Variants in UBE4B observed in about 807,000 individuals in gnomAD.
UBE4B encodes the protein ubiquitination factor E4B, also known as ubiquitin conjugation factor E4 B.
Under a neutral mutation model 148.1 loss-of-function variants are expected in UBE4B, and 27 were observed. The ratio of observed to expected loss-of-function variants is 0.18; its 90% CI spans 0.13 to 0.25. The LOEUF (loss-of-function observed/expected upper bound fraction) is 0.25. Ranked by LOEUF, UBE4B falls within the 10% of genes least tolerant of loss-of-function variation. UBE4B has a pLI of 1.00. For missense variants in UBE4B, 1,170 were observed against 1,662.4 expected (o/e 0.70, Z 5.15); for synonymous variants, 596 against 619.3 (o/e 0.96, Z 0.56).
intron 2 of UBE4B, among the ~76,000 whole-genome samples, chr1:10,084,980 A>G (rs1644743191): frequency 6.6e-6 from 1 of 152,084 alleles, no homozygotes; most frequent in Admixed American, 6.6e-5. Context: ...TTAGGATTAC[A>G]GGCATGAGCC....
intron 21 of UBE4B, among the ~76,000 whole-genome samples, chr1:10,153,067 AG>A (rs1159216498): frequency 6.6e-6 from 1 of 151,976 alleles, no homozygotes; most frequent in Non-Finnish European, 1.5e-5. Flanking sequence ...TACTGCTGAC[AG>A]TAAGTGCAAG....
intron 1 of UBE4B, chr1:10,058,935 A>T (rs1339280728): frequency 6.6e-6 from 1 of 152,198 alleles, no homozygotes; most frequent in Non-Finnish European, 1.5e-5. Flanking sequence ...GTTGTCAAGA[A>T]CCATGAGGGC....
chr1:10,148,446 A>G (rs1399387395), intron 19 of UBE4B, among the ~76,000 whole-genome samples: 1 of 151,764 alleles, frequency 6.6e-6, no homozygotes, highest in African/African-American at 2.4e-5. Flanking sequence ...ATCCTGGCCA[A>G]CGTGGTGAAA....
rs1646486766 is a variant in UBE4B at position 10,180,216 on chromosome 1, A to G, written c.*260A>G. 5.8e-6 allele frequency: 3 copies of G among 516,904 alleles called. No individual in the cohort carries two copies. Among genetic ancestry groups the G allele is most frequent in the South Asian group, 5.3e-5 (2 of 38,008 alleles). 32.0% of individuals were successfully genotyped at this position (516,904 alleles called of 1,614,324 possible). On this transcript the variant is annotated 3_prime_UTR_variant, in exon 28 of 28. Transcript: ENST00000343090. The stretch of plus-strand genomic sequence containing the variant: ...TTTATGGTTGCTTGTGTAATAAAGC[A>G]TGTCCTTCGTATGTCACAGTTTGGG...
At chr1:10,068,046 T>TA (rs1644419205) in intron 1 of UBE4B, among the ~76,000 whole-genome samples, 3 of 150,372 alleles carry the variant, frequency 2.0e-5, no homozygotes, top group Admixed American at 1.3e-4. Flanking sequence ...TTTTTTTTTT[T>TA]AAGATGGAGT....
chr1:10,139,171 G>A (rs543742562), intron 17 of UBE4B, among the ~76,000 whole-genome samples: 93 of 152,200 alleles, frequency 6.1e-4, no homozygotes, highest in Non-Finnish European at 1.0e-3. Context: ...CGAGGCAGAC[G>A]GATCACCTGA....
intron 14 of UBE4B, among the ~76,000 whole-genome samples, chr1:10,131,830 G>GTAA (rs1283290694): frequency 6.6e-6 from 1 of 152,106 alleles, no homozygotes; most frequent in Non-Finnish European, 1.5e-5. Flanking sequence ...GCGGGTGCCT[G>GTAA]TAATCCCAGC....
intron 3 of UBE4B, among the ~76,000 whole-genome samples, chr1:10,097,939 C>T (rs952396508): frequency 1.3e-5 from 2 of 152,054 alleles, no homozygotes; most frequent in South Asian, 2.1e-4. Flanking sequence ...GGCACAATCT[C>T]GGCTCACTGC....
intron 4 of UBE4B, 76 bp downstream of exon 4, chr1:10,101,271 T>C: frequency 8.3e-6 from 12 of 1,449,112 alleles, no homozygotes; most frequent in Non-Finnish European, 1.1e-5. Flanking sequence ...TAGAGTCTGT[T>C]AGATTGGGGC....
intron 21 of UBE4B, among the ~76,000 whole-genome samples, chr1:10,156,621 A>G (rs987079418): frequency 1.3e-5 from 2 of 152,194 alleles, no homozygotes; most frequent in African/African-American, 4.8e-5. Context: ...ATTTTAGATG[A>G]TATGAGGCGT....
intron 1 of UBE4B, among the ~76,000 whole-genome samples, chr1:10,063,082 A>G (rs1370323673): frequency 6.6e-6 from 1 of 152,078 alleles, no homozygotes. Context: ...AGCCTGGCCA[A>G]CATGGTGAAA....
Position 10,168,291 on chromosome 1 carries a change from C to A in UBE4B, c.3333+21C>A. ...GACCGGTGAGTAGAAACCCGGGGCT[C>A]TGTTTGGTGGTTTGGACTCCACATT... On this transcript the variant is annotated intron_variant, in intron 24 of 27. Coordinates refer to ENST00000343090, the MANE Select transcript of UBE4B (RefSeq NM_001105562.3). The surrounding 1 kb of genome is among the most constrained non-coding windows in gnomAD (Gnocchi z 4.9). 13 of 1,612,964 alleles carry A rather than the reference C, an allele frequency of 8.1e-6. No homozygotes were observed. The highest frequency in any genetic ancestry group is 8.0e-5 in the African/African-American group (6 of 74,988).
intron 3 of UBE4B, among the ~76,000 whole-genome samples, chr1:10,099,081 A>G (rs1644969986): frequency 6.6e-6 from 1 of 152,048 alleles, no homozygotes; most frequent in South Asian, 2.1e-4. Context: ...TCCACTAAAA[A>G]TACAAAAAAA....
chr1:10,153,482 C>A (rs1262183048), intron 21 of UBE4B, among the ~76,000 whole-genome samples: 1 of 133,710 alleles, frequency 7.5e-6, no homozygotes, highest in African/African-American at 3.0e-5. Flanking sequence ...AAAGCAAGAC[C>A]CTGTTTCTAA....
chr1:10,140,327 T>C (rs916433309), intron 17 of UBE4B, among the ~76,000 whole-genome samples: 1 of 152,210 alleles, frequency 6.6e-6, no homozygotes, highest in African/African-American at 2.4e-5. Context: ...AGAAAATATA[T>C]TTTATGTGAT....
At chr1:10,175,616 A>AGT (rs1646415658) in intron 25 of UBE4B, among the ~76,000 whole-genome samples, 2 of 152,084 alleles carry the variant, frequency 1.3e-5, no homozygotes, top group Admixed American at 1.3e-4. Context: ...GCGCCACTGC[A>AGT]CTCCAGCCTG....
At chr1:10,093,431 T>C (rs1644880804) in intron 2 of UBE4B, among the ~76,000 whole-genome samples, 1 of 152,224 alleles carries the variant, frequency 6.6e-6, no homozygotes, top group Admixed American at 6.5e-5. Flanking sequence ...GCTTTGTGTA[T>C]TTTACTTGAG....
At chr1:10,063,476 A>T (rs756483326) in intron 1 of UBE4B, among the ~76,000 whole-genome samples, 3 of 152,146 alleles carry the variant, frequency 2.0e-5, no homozygotes, top group Non-Finnish European at 4.4e-5. Context: ...TTTACTTCCA[A>T]ATAACAGCCA....
In UBE4B at chr1:10,180,042, T is replaced by C; in HGVS notation, c.*86T>C. The C allele has an allele frequency of 3.2e-6, 5 of 1,580,478 alleles. No homozygotes were observed. The highest frequency in any genetic ancestry group is 3.9e-4 in the Middle Eastern group (2 of 5,086). On this transcript the variant is annotated 3_prime_UTR_variant, in exon 28 of 28. Coordinates refer to ENST00000343090, the MANE Select transcript of UBE4B (RefSeq NM_001105562.3). Reference sequence around the variant, plus strand: ...GCGGCCGCAGCGAAGCTGCCGTTCATGTGTTGGAGGCCAAATGTGGCAAAC... The same window carrying C: ...GCGGCCGCAGCGAAGCTGCCGTTCACGTGTTGGAGGCCAAATGTGGCAAAC...
Sources: allele counts gnomAD v4.1 joint callset (sites outside exome capture counted in the v4.1 genomes callset), GRCh38; gene constraint gnomAD v4.1.1; non-coding constraint Gnocchi (gnomAD v3.1); transcripts MANE v1.5; gene names NCBI Gene and HGNC (gene_info 2026-07-23, HGNC 2026-07-21).